The following ITGAE variants were observed in gnomAD, a reference collection of about 807,000 sequenced individuals.
The protein encoded by ITGAE is integrin alpha-E.
Under a neutral mutation model 136.5 loss-of-function variants are expected in ITGAE, and 99 were observed. The observed-to-expected ratio is 0.73, with a 90% CI of 0.62 to 0.86. The LOEUF is 0.86. Ranked by LOEUF, ITGAE falls within the 40% of genes least tolerant of loss-of-function variation. The pLI is 0.00. For missense variants in ITGAE, 1,447 were observed against 1,515.3 expected (o/e 0.95, Z 0.75); for synonymous variants, 613 against 591.8 (o/e 1.04, Z -0.52).
At chr17:3,774,331 C>T (rs989333726) in intron 2 of ITGAE, among the ~76,000 whole-genome samples, 2 of 151,990 alleles carry the variant, frequency 1.3e-5, no homozygotes, top group African/African-American at 2.4e-5. Context: ...AGAGTATGCA[C>T]AAGAAAAGCC....
chr17:3,791,361 C>T (rs2052934757), intron 1 of ITGAE, among the ~76,000 whole-genome samples: 1 of 151,944 alleles, frequency 6.6e-6, no homozygotes, highest in African/African-American at 2.4e-5. Context: ...CAGCTCACTA[C>T]AACCTCTGTC....
At chr17:3,786,421 TTA>T (rs1319884400) in intron 1 of ITGAE, among the ~76,000 whole-genome samples, 26 of 152,112 alleles carry the variant, frequency 1.7e-4, no homozygotes, top group Non-Finnish European at 2.9e-5. Flanking sequence ...ATAAACTGTT[TTA>T]GAGAATAGAA....
rs2051873517 is a variant in ITGAE at position 3,751,713 on chromosome 17, G to A, written c.1830C>T (p.Ala610=). The change falls in exon 15 of 31, where the codon GCC becomes GCT. Residue 610 remains alanine (A), a synonymous_variant. Coordinates refer to ENST00000263087, the MANE Select transcript of ITGAE (RefSeq NM_002208.5). Reference sequence around the variant, plus strand: ...TGTAGATATACACACTGCCGAAGCTGGCACCATCATCTGCCCCAAAACCTT... The same window carrying A: ...TGTAGATATACACACTGCCGAAGCTAGCACCATCATCTGCCCCAAAACCTT... ...PLEGFGADDG[A]SFGSVYIYNG... 1 of 1,614,042 alleles carries A rather than the reference G, an allele frequency of 6.2e-7. No homozygotes were observed. Among genetic ancestry groups the A allele is most frequent in the Non-Finnish European group, 8.5e-7 (1 of 1,179,972 alleles).
Position 3,777,461 on chromosome 17 carries a change from A to G in ITGAE, c.155+79T>C, listed in dbSNP as rs2143309575. 2.0e-6 allele frequency: 3 copies of G among 1,516,276 alleles called. No homozygotes were observed. In the East Asian group the frequency reaches 6.9e-5, roughly 35 times the overall value. 93.9% of individuals were successfully genotyped at this position (1,516,276 alleles called of 1,614,324 possible). ...TGACGGTGGGGTGGGGTGGGCTGCCATGGCCGTCTCTGGGGCCCATCTCAG... is the reference window on the plus strand; with the variant it reads ...TGACGGTGGGGTGGGGTGGGCTGCCGTGGCCGTCTCTGGGGCCCATCTCAG... On this transcript the variant is annotated intron_variant, in intron 2 of 30. Transcript: ENST00000263087.
In ITGAE at chr17:3,753,891, G is replaced by A; in HGVS notation, c.1419C>T (p.Ser473=). ...GTGGAGCCCCCGCGATGTAGGAGAG[G>A]CTGCAGGTCTTGTGCAGCACGGCCA... ...YAVAVLHKTC[S]LSYIAGAPRY... The change falls in exon 13 of 31, where the codon AGC becomes AGT. Residue 473 remains serine (S), a synonymous_variant. Transcript: ENST00000263087. 2 of 1,614,142 alleles carry A rather than the reference G, an allele frequency of 1.2e-6. No homozygotes were observed.
At chr17:3,781,228 T>C (rs2052659770) in intron 1 of ITGAE, among the ~76,000 whole-genome samples, 1 of 152,254 alleles carries the variant, frequency 6.6e-6, no homozygotes, top group African/African-American at 2.4e-5. Flanking sequence ...CGTTTTTTGA[T>C]GTTGTCATAT....
At chr17:3,780,574 A>G (rs1454996365) in intron 1 of ITGAE, among the ~76,000 whole-genome samples, 1 of 152,154 alleles carries the variant, frequency 6.6e-6, no homozygotes, top group Non-Finnish European at 1.5e-5. Context: ...CTGGGATTAC[A>G]GGCGTGAGCC....
At chr17:3,764,277 C>T (rs534366943) in intron 2 of ITGAE, among the ~76,000 whole-genome samples, 44 of 152,292 alleles carry the variant, frequency 2.9e-4, no homozygotes, top group Middle Eastern at 3.4e-3. Context: ...AAACCACCAG[C>T]GTTGGGGTTG....
In ITGAE at chr17:3,727,966, A is replaced by G; in HGVS notation, c.3037T>C (p.Leu1013=). Residue 1013 remains leucine, a synonymous_variant, in exon 26 of 31, where the codon TTA becomes CTA. Transcript: ENST00000263087. ...YQLQICVPTK[L]RGLQVVAVKK... ...ACTGCTACAACCTGGAGACCTCGTA[A>G]TTTGGTTGGGACGCAAATTTGCAAC... The G allele has an allele frequency of 6.2e-7, 1 of 1,614,164 alleles. No individual in the cohort carries two copies. Among genetic ancestry groups the G allele is most frequent in the Non-Finnish European group, 8.5e-7 (1 of 1,180,008 alleles).
At chr17:3,797,324 C>T (rs2053140668) in intron 1 of ITGAE, among the ~76,000 whole-genome samples, 2 of 150,886 alleles carry the variant, frequency 1.3e-5, no homozygotes, top group Admixed American at 6.6e-5. Context: ...CGCCACCATG[C>T]CCAGCTAATT....
rs548176095 is a variant in ITGAE at position 3,777,758 on chromosome 17, A to G, written c.35-98T>C. The G allele has an allele frequency of 2.9e-6, 4 of 1,371,746 alleles. No homozygotes were observed. The East Asian group carries it at 9.5e-5, about 33-fold the overall frequency. The allele number at this position is 1,371,746 out of a possible 1,614,324, so 85.0% of individuals were successfully genotyped here. On this transcript the variant is annotated intron_variant, in intron 1 of 30. Coordinates refer to ENST00000263087, the MANE Select transcript of ITGAE (RefSeq NM_002208.5). The stretch of plus-strand genomic sequence containing the variant: ...ATGAACCCCGTTTTACAGCTGAGAA[A>G]AGTGAGACTGCCCAGGGATCTTTAT...
chr17:3,760,460 G>A (rs1460634822), intron 6 of ITGAE, among the ~76,000 whole-genome samples, 173 bp from the exon 7 acceptor site: 1 of 16,920 alleles, frequency 5.9e-5, no homozygotes, highest in Non-Finnish European at 1.4e-4. Context: ...TTTTTTTTGA[G>A]ACAGAGCTTC....
At chr17:3,741,717 A>C (rs1055892802) in intron 19 of ITGAE, among the ~76,000 whole-genome samples, 2 of 152,244 alleles carry the variant, frequency 1.3e-5, no homozygotes, top group Non-Finnish European at 2.9e-5. Flanking sequence ...ACAAGTCCAC[A>C]TTAGGTGCCT....
intron 1 of ITGAE, among the ~76,000 whole-genome samples, chr17:3,781,372 TAA>T (rs1299277912): frequency 6.6e-6 from 1 of 151,620 alleles, no homozygotes; most frequent in Non-Finnish European, 1.5e-5. Flanking sequence ...TTTTTTGAGA[TAA>T]AGTCTCGCTG....
Position 3,745,889 on chromosome 17 carries a change from C to G in ITGAE, c.2194G>C (p.Asp732His). 2 of 1,614,050 alleles carry G rather than the reference C, an allele frequency of 1.2e-6. No individual in the cohort carries two copies. Among genetic ancestry groups the G allele is most frequent in the Non-Finnish European group, 1.7e-6 (2 of 1,180,026 alleles). The change falls in exon 18 of 31, where the codon GAT becomes CAT. Residue 732 changes from aspartate to histidine, a missense_variant. By Grantham distance (81) the Asp-to-His change is moderately conservative. This residue lies in a region of ITGAE where 1,031 missense variants were observed against 1,011.4 expected (regional missense o/e 1.02). Transcript: ENST00000263087. ...EALLNFTLDV[D>H]VGKQRRRLQC... Reference sequence around the variant, plus strand: ...AGCCGTCTCCTCTGCTTCCCCACATCCACATCCAGCGTGAAGTTGAGAAGT... The same window carrying G: ...AGCCGTCTCCTCTGCTTCCCCACATGCACATCCAGCGTGAAGTTGAGAAGT...
At position 3,716,782 on chromosome 17, in the gene ITGAE, A is replaced by G; in HGVS notation, c.3350T>C (p.Leu1117Pro). 4 of 1,596,634 alleles carry G rather than the reference A, an allele frequency of 2.5e-6. No individual in the cohort carries two copies. The highest frequency in any genetic ancestry group is 2.6e-6 in the Non-Finnish European group (3 of 1,164,240). ...CAAAGAATGGTACTTCTCATCTTTC[A>G]GGAAGACGACAGTGATCTAGACAAG... ...NHRTKITVVF[L>P]KDEKYHSLPI... The change falls in exon 30 of 31, where the codon CTG becomes CCG. Residue 1117 changes from leucine (L) to proline (P), a missense_variant. Physicochemically the swap from Leu to Pro is moderately conservative, Grantham distance 98. This residue lies in a region of ITGAE where 1,031 missense variants were observed against 1,011.4 expected (regional missense o/e 1.02). Coordinates refer to ENST00000263087, the MANE Select transcript of ITGAE (RefSeq NM_002208.5).
intron 26 of ITGAE, chr17:3,725,765 T>A: frequency 3.8e-6 from 6 of 1,593,580 alleles, no homozygotes; most frequent in Non-Finnish European, 5.1e-6. Context: ...TTGGAGGGAT[T>A]GACTTAGAGC....
chr17:3,759,268 G>A (rs576828766), intron 8 of ITGAE, 134 bp downstream of exon 8: 74 of 1,008,766 alleles, frequency 7.3e-5, no homozygotes, highest in Middle Eastern at 2.2e-4. Flanking sequence ...CATCCCTCAC[G>A]TTCTCTCTCG....
At chr17:3,750,255 C>T in intron 16 of ITGAE, 97 bp downstream of exon 16, 2 of 1,509,854 alleles carry the variant, frequency 1.3e-6, no homozygotes, top group Non-Finnish European at 1.8e-6. Flanking sequence ...GGTGCTGGCT[C>T]CCTCCCTCAG....
Sources: gnomAD v4.1 joint callset for allele counts (sites outside exome capture counted in the v4.1 genomes callset) on GRCh38, gnomAD v4.1.1 for gene constraint, gnomAD v4.1.1 regional missense constraint, MANE v1.5 for transcripts, NCBI Gene and HGNC (gene_info 2026-07-23, HGNC 2026-07-21) for gene names.